The following INO80 variants were observed in gnomAD, a reference collection of about 807,000 sequenced individuals.
INO80 encodes the protein INO80 complex ATPase subunit.
In INO80, 20 loss-of-function variants were observed where a neutral mutation model predicts 203.4. The ratio of observed to expected loss-of-function variants is 0.10; its 90% CI spans 0.07 to 0.14. INO80 has a LOEUF of 0.14. Among genes scored for constraint, INO80 ranks in the 10% least tolerant of loss-of-function variants. The pLI, the probability that INO80 is intolerant of heterozygous loss-of-function variation, is 1.00. For synonymous variants in INO80, 726 were observed against 685.2 expected (o/e 1.06, Z -0.93); for missense variants, 1,419 against 1,914.4 (o/e 0.74, Z 4.83).
Position 41,096,039 on chromosome 15 carries a change from T to C in INO80, c.144-111A>G. 4.9e-6 allele frequency: 7 copies of C among 1,419,692 alleles called. No individual in the cohort carries two copies. In the South Asian group the frequency reaches 8.6e-5, roughly 17 times the overall value. The allele number at this position is 1,419,692 out of a possible 1,614,324, so 87.9% of individuals were successfully genotyped here. On this transcript the variant is annotated intron_variant, in intron 2 of 35. Transcript: ENST00000648947. ...CTGTTCCTCTGAAATAAATTGACTT[T>C]TTTATTTGAAAGAGGCAAAAGAAAA...
chr15:41,017,816 T>G (rs1299662353), intron 26 of INO80: 1 of 152,216 alleles, frequency 6.6e-6, no homozygotes, highest in Non-Finnish European at 1.5e-5. Flanking sequence ...TTGGTCCTGT[T>G]TAGATTATTG....
rs979033409 is a variant in INO80, at chr15:41,096,005, C to T, written c.144-77G>A. 1.0e-5 allele frequency: 15 copies of T among 1,446,170 alleles called. No homozygotes were observed. In the African/African-American group the frequency reaches 2.1e-4, roughly 21 times the overall value. 89.6% of individuals were successfully genotyped at this position (1,446,170 alleles called of 1,614,324 possible). On this transcript the variant is annotated intron_variant, in intron 2 of 35. Transcript: ENST00000648947. ...TTTAAAGTTAGAACTGGACACTTTA[C>T]AGAAGAAACTGTTCCTCTGAAATAA...
At chr15:41,033,032 TCAA>T (rs1005336874) in intron 24 of INO80, among the ~76,000 whole-genome samples, 20 of 152,092 alleles carry the variant, frequency 1.3e-4, no homozygotes, top group African/African-American at 4.8e-4. Flanking sequence ...AGACTCCGTC[TCAA>T]CAACAACAAC....
intron 24 of INO80, among the ~76,000 whole-genome samples, chr15:41,041,828 G>A (rs1278567029): frequency 2.1e-5 from 3 of 140,916 alleles, no homozygotes; most frequent in African/African-American, 5.0e-5. Flanking sequence ...TGAAAGGAAA[G>A]ATTTCCTTTT....
intron 29 of INO80, 117 bp from the exon 30 acceptor site, chr15:40,988,091 A>G (rs546168984): frequency 1.0e-5 from 8 of 781,954 alleles, no homozygotes; most frequent in African/African-American, 8.6e-5. Flanking sequence ...ATTCGTTTCT[A>G]TGATATTGAG....
At chr15:40,981,490 A>C (rs74014729) in intron 35 of INO80, among the ~76,000 whole-genome samples, 4,208 of 152,292 alleles carry the variant, frequency 0.028, 187 homozygotes, top group African/African-American at 0.096. Context: ...ATCATACTTC[A>C]TATTTCCTGG....
chr15:40,997,541 A>G lies in INO80; in HGVS notation c.3558T>C (p.Thr1186=), dbSNP rs1411134002. Residue 1186 remains threonine (T), a synonymous_variant, in exon 29 of 36, where the codon ACT becomes ACC. Transcript: ENST00000648947. Reference sequence around the variant, plus strand: ...TCTCATTACTTACTGTGTCTGCAGCAGTGAGATTGATACCCAGTCCTCCAG... The same window carrying G: ...TCTCATTACTTACTGTGTCTGCAGCGGTGAGATTGATACCCAGTCCTCCAG... ...TRAGGLGINL[T]AADTVIFYDS... is the part of the protein sequence containing the mutation. 1.2e-6 allele frequency: 2 copies of G among 1,608,144 alleles called. No individual in the cohort carries two copies. The highest frequency in any genetic ancestry group is 1.7e-6 in the Non-Finnish European group (2 of 1,174,636).
chr15:41,004,083 T>G (rs2140436719), intron 28 of INO80, among the ~76,000 whole-genome samples: 1 of 152,244 alleles, frequency 6.6e-6, no homozygotes, highest in East Asian at 1.9e-4. Context: ...TGTGGTGGAA[T>G]AAGGAGGCAC....
intron 9 of INO80, among the ~76,000 whole-genome samples, chr15:41,078,803 A>C (rs528675199): frequency 1.3e-5 from 2 of 152,258 alleles, no homozygotes; most frequent in South Asian, 4.1e-4. Context: ...CACAGCCTAC[A>C]TCAGCTGGCA....
chr15:41,044,701 A>AG (rs2044723682), intron 24 of INO80, among the ~76,000 whole-genome samples: 1 of 151,796 alleles, frequency 6.6e-6, no homozygotes, highest in Admixed American at 6.6e-5. Context: ...TATTGTAAAA[A>AG]AAACATTTTG....
chr15:41,080,723 G>C (rs927815631), intron 8 of INO80, among the ~76,000 whole-genome samples: 1 of 152,064 alleles, frequency 6.6e-6, no homozygotes, highest in African/African-American at 2.4e-5. Context: ...ATGATGGCAG[G>C]TGCCTATAAT....
rs180994696 is a variant in INO80 at position 41,099,538 on chromosome 15, T to C, written c.-43-3185A>G. On this transcript the variant is annotated intron_variant, in intron 1 of 35. Transcript: ENST00000648947. ...GGCTGAAGCTTGTAATCCCAGCACTTTGGGAGGTGAGGCAGGAGGAGAGCT... is the reference window on the plus strand; with the variant it reads ...GGCTGAAGCTTGTAATCCCAGCACTCTGGGAGGTGAGGCAGGAGGAGAGCT... Among the ~76,000 whole-genome samples, 83 of 152,092 alleles carry C rather than the reference T, an allele frequency of 5.5e-4. 1 individual carries two copies. In the East Asian group the frequency reaches 0.012, roughly 22 times the overall value.
At chr15:41,079,388 G>A (rs535037847) in intron 9 of INO80, among the ~76,000 whole-genome samples, 147 of 152,114 alleles carry the variant, frequency 9.7e-4, no homozygotes, top group Middle Eastern at 6.8e-3. Context: ...GAAGAAAAGA[G>A]AAAAAGGCCT....
At chr15:41,018,415 ATATACT>A (rs2044241942) in intron 26 of INO80, 1 of 152,240 alleles carries the variant, frequency 6.6e-6, no homozygotes, top group Non-Finnish European at 1.5e-5. Flanking sequence ...AAAGATGTGC[ATATACT>A]TATAAAGACA....
At position 41,030,779 on chromosome 15, in the gene INO80, A is replaced by G. The variant is rs138430328; in HGVS notation, c.2908-3043T>C. Among the ~76,000 whole-genome samples, 344 of 152,146 alleles carry G rather than the reference A, an allele frequency of 2.3e-3. 2 individuals carry two copies. The highest frequency in any genetic ancestry group is 3.5e-3 in the Non-Finnish European group (235 of 68,014). ...AGCCTCTGCCTCCAGGGTTCAAGCA[A>G]TTCTCCTGCCTCAGCCTCCCGAGTA... is the stretch of plus-strand genomic sequence containing the variant. On this transcript the variant is annotated intron_variant, in intron 24 of 35. Coordinates refer to ENST00000648947, the MANE Select transcript of INO80 (RefSeq NM_017553.3).
intron 27 of INO80, among the ~76,000 whole-genome samples, chr15:41,007,112 C>T (rs1280540176): frequency 1.3e-5 from 2 of 150,966 alleles, no homozygotes; most frequent in African/African-American, 4.9e-5. Context: ...TTTACAGAGA[C>T]ACCCAAAACA....
At chr15:40,982,626 A>C (rs1303183971) in intron 35 of INO80, among the ~76,000 whole-genome samples, 1 of 152,258 alleles carries the variant, frequency 6.6e-6, no homozygotes, top group Non-Finnish European at 1.5e-5. Flanking sequence ...AAAGTAGTAC[A>C]GTTCACAATT....
chr15:40,989,134 A>C (rs1013924145), intron 29 of INO80, among the ~76,000 whole-genome samples: 2 of 151,474 alleles, frequency 1.3e-5, no homozygotes, highest in Admixed American at 6.6e-5. Context: ...AGCTGAGATC[A>C]TGCCATTGCA....
At chr15:41,013,105 A>AACAG (rs2044156126) in intron 27 of INO80, 1 of 150,546 alleles carries the variant, frequency 6.6e-6, no homozygotes, top group East Asian at 1.9e-4. Flanking sequence ...AACAACAACC[A>AACAG]CCACAACAAA....
Sources: gnomAD v4.1 joint callset for allele counts (sites outside exome capture counted in the v4.1 genomes callset) on GRCh38, gnomAD v4.1.1 for gene constraint, MANE v1.5 for transcripts, NCBI Gene and HGNC (gene_info 2026-07-23, HGNC 2026-07-21) for gene names.